The following SENP7 variants were observed in gnomAD, a reference collection of about 807,000 sequenced individuals.
SENP7 encodes sentrin-specific protease 7.
A neutral mutation model predicts 141.2 loss-of-function variants in SENP7; 64 were observed. The ratio of observed to expected loss-of-function variants is 0.45; its 90% CI spans 0.37 to 0.56. The LOEUF (loss-of-function observed/expected upper bound fraction) is 0.56, where lower values mean the gene tolerates loss of function less well. Ranked by LOEUF, SENP7 falls within the 20% of genes least tolerant of loss-of-function variation. The pLI is 0.00. For synonymous variants in SENP7, 382 were observed against 426.4 expected (o/e 0.90, Z 1.28); for missense variants, 1,025 against 1,212.2 (o/e 0.85, Z 2.29).
rs2058864929 is a variant in SENP7, at chr3:101,325,118, A to T, written c.*825T>A. On this transcript the variant is annotated 3_prime_UTR_variant, in exon 24 of 24. Coordinates refer to ENST00000394095, the MANE Select transcript of SENP7 (RefSeq NM_020654.5). ...GGACACCAATTTTATCTTCTATATT[A>T]GAGAAACTATACATAAATTCCGTGA... The T allele has an allele frequency of 6.6e-6, 1 of 152,092 alleles. No individual in the cohort carries two copies. The highest frequency in any genetic ancestry group is 2.4e-5 in the African/African-American group (1 of 41,446). The allele number at this position is 152,092 out of a possible 1,614,324, so 9.4% of individuals were successfully genotyped here.
intron 19 of SENP7, among the ~76,000 whole-genome samples, chr3:101,331,508 A>G (rs2059052694): frequency 6.6e-6 from 1 of 151,172 alleles, no homozygotes; most frequent in South Asian, 2.1e-4. Context: ...TAGTAAATAC[A>G]TGCAATTTTA....
chr3:101,479,723 T>C (rs757988012), intron 3 of SENP7, among the ~76,000 whole-genome samples: 1 of 148,214 alleles, frequency 6.7e-6, no homozygotes, highest in Non-Finnish European at 1.5e-5. Context: ...TGGGATCACC[T>C]GAGCCCAGAA....
chr3:101,454,122 A>G (rs980401064), intron 4 of SENP7, among the ~76,000 whole-genome samples: 1 of 152,198 alleles, frequency 6.6e-6, no homozygotes, highest in African/African-American at 2.4e-5. Context: ...AGTCATTTTG[A>G]AAAAAAGTTC....
intron 5 of SENP7, among the ~76,000 whole-genome samples, chr3:101,416,471 C>T (rs142340760): frequency 1.3e-5 from 2 of 152,152 alleles, no homozygotes; most frequent in African/African-American, 4.8e-5. Context: ...TTTAAGTAGC[C>T]CTTTTATTTA....
chr3:101,460,821 C>T (rs938754009), intron 3 of SENP7, among the ~76,000 whole-genome samples: 2 of 152,030 alleles, frequency 1.3e-5, no homozygotes, highest in African/African-American at 4.8e-5. Context: ...TCCAGGTCAA[C>T]CACAATGGCT....
At chr3:101,395,817 G>T (rs1160576689) in intron 6 of SENP7, among the ~76,000 whole-genome samples, 3 of 152,212 alleles carry the variant, frequency 2.0e-5, no homozygotes, top group Non-Finnish European at 4.4e-5. Context: ...CATTGTAGAA[G>T]ATTTCAGTAA....
chr3:101,340,903 T>C (rs950507083), intron 15 of SENP7, among the ~76,000 whole-genome samples: 2 of 152,188 alleles, frequency 1.3e-5, no homozygotes, highest in African/African-American at 4.8e-5. Flanking sequence ...GGCTATAATC[T>C]TGGAATAGGT....
At position 101,453,610 on chromosome 3, in the gene SENP7, G is replaced by T. The variant is rs540413397; in HGVS notation, c.284+5345C>A. Among the ~76,000 whole-genome samples, 370 of 151,898 alleles carry T rather than the reference G, an allele frequency of 2.4e-3. 2 individuals carry two copies. Among genetic ancestry groups the T allele is most frequent in the Middle Eastern group, 0.01 (3 of 294 alleles). On this transcript the variant is annotated intron_variant, in intron 4 of 23. Transcript: ENST00000394095. ...AAACCATCATTCTCAGTAAACTATC[G>T]CAAGGACAAAAAACTAAACACCGCA... is the stretch of plus-strand genomic sequence containing the variant.
chr3:101,377,017 G>A (rs1172552590), intron 6 of SENP7, among the ~76,000 whole-genome samples: 2 of 151,928 alleles, frequency 1.3e-5, no homozygotes, highest in African/African-American at 4.8e-5. Flanking sequence ...TTAGCCTTGT[G>A]GAAGAAGAAT....
chr3:101,413,739 G>C (rs1376835227), intron 5 of SENP7, among the ~76,000 whole-genome samples: 1 of 151,406 alleles, frequency 6.6e-6, no homozygotes, highest in Non-Finnish European at 1.5e-5. Flanking sequence ...AAAAGGGAGG[G>C]GGGGGATAGT....
intron 6 of SENP7, among the ~76,000 whole-genome samples, chr3:101,384,521 C>T (rs2060596712): frequency 6.6e-6 from 1 of 152,194 alleles, no homozygotes; most frequent in South Asian, 2.1e-4. Context: ...AAGCCACTTG[C>T]AGTACGACTG....
intron 11 of SENP7, among the ~76,000 whole-genome samples, chr3:101,354,531 G>C (rs2059689367): frequency 6.6e-6 from 1 of 152,028 alleles, no homozygotes; most frequent in South Asian, 2.1e-4. Flanking sequence ...TCCTATGTTA[G>C]TTTGCTAAGG....
intron 12 of SENP7, among the ~76,000 whole-genome samples, chr3:101,350,978 T>G (rs972194974): frequency 1.3e-5 from 2 of 152,016 alleles, no homozygotes; most frequent in African/African-American, 2.4e-5. Context: ...CTAATCCAAC[T>G]AAAGCTACTT....
At chr3:101,484,927 G>A (rs954090432) in intron 3 of SENP7, among the ~76,000 whole-genome samples, 7 of 152,076 alleles carry the variant, frequency 4.6e-5, no homozygotes, top group Non-Finnish European at 1.0e-4. Context: ...GGAGCACAGT[G>A]GGACAGAGAC....
intron 6 of SENP7, among the ~76,000 whole-genome samples, chr3:101,397,895 G>A (rs2061015986): frequency 6.6e-6 from 1 of 152,170 alleles, no homozygotes; most frequent in Admixed American, 6.5e-5. Context: ...CTAACAGAAT[G>A]TACTAACTGA....
chr3:101,349,663 AC>A (rs2059564736), intron 12 of SENP7, among the ~76,000 whole-genome samples: 1 of 152,136 alleles, frequency 6.6e-6, no homozygotes, highest in Non-Finnish European at 1.5e-5. Flanking sequence ...GTGCACATGT[AC>A]CCTAAAACTT....
At chr3:101,488,500 T>C (rs1182292341) in intron 3 of SENP7, among the ~76,000 whole-genome samples, 1 of 152,086 alleles carries the variant, frequency 6.6e-6, no homozygotes, top group Non-Finnish European at 1.5e-5. Flanking sequence ...AACTGGAAAA[T>C]ACATTTGAGG....
intron 13 of SENP7, among the ~76,000 whole-genome samples, chr3:101,344,438 T>G (rs2059402720): frequency 6.6e-6 from 1 of 152,192 alleles, no homozygotes; most frequent in South Asian, 2.1e-4. Context: ...TATTTAATCA[T>G]GAATTTTCCT....
intron 13 of SENP7, chr3:101,347,653 C>T (rs1350147247): frequency 8.2e-6 from 2 of 242,662 alleles, no homozygotes; most frequent in East Asian, 7.9e-5. Context: ...ACCCGGGAGG[C>T]AGAGCTTGCG....
Sources: allele counts gnomAD v4.1 joint callset (sites outside exome capture counted in the v4.1 genomes callset), GRCh38; gene constraint gnomAD v4.1.1; transcripts MANE v1.5; gene names NCBI Gene and HGNC (gene_info 2026-07-23, HGNC 2026-07-21).